Variants in CACNA1B observed in about 807,000 individuals in gnomAD.
The protein encoded by CACNA1B is calcium voltage-gated channel subunit alpha1 B.
A neutral mutation model predicts 247.2 loss-of-function variants in CACNA1B; 70 were observed. That is an observed-to-expected ratio of 0.28 (90% CI 0.23 to 0.35). The LOEUF (loss-of-function observed/expected upper bound fraction) is 0.35. Among genes scored for constraint, CACNA1B ranks in the 10% least tolerant of loss-of-function variants. The pLI is 1.00. For synonymous variants in CACNA1B, 1,231 were observed against 1,294.4 expected, an observed-to-expected ratio of 0.95 and a Z score of 1.05; for missense variants, 2,367 against 3,197.4, an observed-to-expected ratio of 0.74 and a Z score of 6.26.
In CACNA1B at chr9:137,971,699, C is replaced by T; in HGVS notation, c.1543+107C>T. On this transcript the variant is annotated intron_variant, in intron 11 of 46. Transcript: ENST00000371372. The surrounding 1 kb of genome is among the most constrained non-coding windows in gnomAD (Gnocchi z 4.4). ...TACCCCAGGTGGGACGGGACCCACC[C>T]CCATGTTGCTCAAAGTATCCCACAG... is the stretch of plus-strand genomic sequence containing the variant. The T allele has an allele frequency of 1.1e-6, 1 of 901,546 alleles. No homozygotes were observed. The highest frequency in any genetic ancestry group is 1.7e-6 in the Non-Finnish European group (1 of 582,746). 55.8% of individuals were successfully genotyped at this position (901,546 alleles called of 1,614,324 possible).
chr9:137,966,581 C>T (rs1044768956), intron 10 of CACNA1B, among the ~76,000 whole-genome samples: 3 of 150,402 alleles, frequency 2.0e-5, no homozygotes, highest in Non-Finnish European at 4.4e-5. Flanking sequence ...CTCTGTCACC[C>T]AGGCTGGAGT....
In CACNA1B at chr9:137,957,656, A is replaced by G. The variant is rs772034432; in HGVS notation, c.1302A>G (p.Gly434=). 6.2e-7 allele frequency: 1 copy of G among 1,602,518 alleles called. No individual in the cohort carries two copies. Among genetic ancestry groups the G allele is most frequent in the South Asian group, 1.1e-5 (1 of 88,196 alleles). ...ATGACCTGATCCACGCAGAGGAGGG[A>G]GAGGACCGGTTTGCAGATCTCTGTG... ...SRNDLIHAEE[G]EDRFADLCAV... The change falls in exon 10 of 47, where the codon GGA becomes GGG. Residue 434 remains glycine, a synonymous_variant. Coordinates refer to ENST00000371372, the MANE Select transcript of CACNA1B (RefSeq NM_000718.4). This position sits in a 1 kb window ranked among gnomAD's most constrained non-coding sequence, Gnocchi z 4.7.
Position 138,050,517 on chromosome 9 carries a change from A to G in CACNA1B, c.3710+1202A>G, listed in dbSNP as rs577787348. Among the ~76,000 whole-genome samples the G allele has an allele frequency of 6.6e-6, 1 of 152,014 alleles. No individual in the cohort carries two copies. The highest frequency in any genetic ancestry group is 1.5e-5 in the Non-Finnish European group (1 of 67,938). ...TCCACTCCAGCCCCCTGCAGTTCCC[A>G]CTATTTCCTCTTTCTGTGATAAAGG... On this transcript the variant is annotated intron_variant, in intron 24 of 46. Transcript: ENST00000371372. This position sits in a 1 kb window ranked among gnomAD's most constrained non-coding sequence, Gnocchi z 5.2.
Position 138,058,940 on chromosome 9 carries a change from C to G in CACNA1B, c.4474-139C>G, listed in dbSNP as rs539626711. The G allele has an allele frequency of 1.4e-6, 1 of 712,870 alleles. No individual in the cohort carries two copies. The highest frequency in any genetic ancestry group is 1.7e-5 in the South Asian group (1 of 59,208). The allele number at this position is 712,870 out of a possible 1,614,324, so 44.2% of individuals were successfully genotyped here. A position where few individuals can be genotyped will look rare whatever the true frequency, so the allele number is the denominator to read the frequency against. On this transcript the variant is annotated intron_variant, in intron 29 of 46. Coordinates refer to ENST00000371372, the MANE Select transcript of CACNA1B (RefSeq NM_000718.4). The surrounding 1 kb of genome is among the most constrained non-coding windows in gnomAD (Gnocchi z 4.7). ...ACAGTGGGGAGGTTCTGGGAGGACT[C>G]GGGGAGAGCAGGAAGGGGTGTCCCA...
At chr9:137,966,695 C>T (rs112872909) in intron 10 of CACNA1B, among the ~76,000 whole-genome samples, 5 of 151,852 alleles carry the variant, frequency 3.3e-5, no homozygotes, top group South Asian at 2.1e-4. Context: ...CGTGCCACCA[C>T]GCCCAGCTAA....
Position 138,073,934 on chromosome 9 carries a change from CCGTAG to C in CACNA1B, c.4792-65_4792-61del. ...CTGTGTGACCTCAAAGGCCCAGCCA[CCGTAG>C]CAGGAGGCCTGGGCGTGGTGGCTGG... On this transcript the variant is annotated intron_variant, in intron 33 of 46. Transcript: ENST00000371372. The surrounding 1 kb of genome is among the most constrained non-coding windows in gnomAD (Gnocchi z 6.4). 1.5e-6 allele frequency: 2 copies of C among 1,310,914 alleles called. No homozygotes were observed. The highest frequency in any genetic ancestry group is 2.2e-6 in the Non-Finnish European group (2 of 913,802). The allele number at this position is 1,310,914 out of a possible 1,614,324, so 81.2% of individuals were successfully genotyped here.
chr9:138,063,916 T>G (rs1959823019), intron 31 of CACNA1B, among the ~76,000 whole-genome samples: 1 of 152,210 alleles, frequency 6.6e-6, no homozygotes, highest in South Asian at 2.1e-4. Flanking sequence ...CTGGGGGGTG[T>G]CGGTGTTGAG....
chr9:138,065,025 T>C (rs1230281902), intron 31 of CACNA1B, among the ~76,000 whole-genome samples: 1 of 152,228 alleles, frequency 6.6e-6, no homozygotes, highest in Admixed American at 6.5e-5. Context: ...CCAAGGCAGT[T>C]CTGGCACCCT....
intron 37 of CACNA1B, among the ~76,000 whole-genome samples, chr9:138,097,191 A>G (rs1179579789): frequency 6.6e-6 from 1 of 152,106 alleles, no homozygotes; most frequent in Admixed American, 6.5e-5. Flanking sequence ...ATGAGCTACC[A>G]GGAAGGCTGT....
chr9:137,992,741 G>T (rs1322873002), intron 15 of CACNA1B, among the ~76,000 whole-genome samples: 1 of 151,202 alleles, frequency 6.6e-6, no homozygotes, highest in East Asian at 1.9e-4. Context: ...AGCTTGCAGT[G>T]AGCCGAGATC....
intron 21 of CACNA1B, among the ~76,000 whole-genome samples, chr9:138,046,508 G>A (rs1959187068): frequency 1.3e-5 from 2 of 152,224 alleles, no homozygotes; most frequent in Non-Finnish European, 2.9e-5. Flanking sequence ...CCTCTTCTGT[G>A]AAAGGGCTGG....
At position 138,075,263 on chromosome 9, in the gene CACNA1B, A is replaced by T. The variant is rs115829613; in HGVS notation, c.4858-556A>T. ...CTTTTTTTCCTGCTTTGGTCTGTGG[A>T]TGTACAAGAGCACATACGTTACTGA... On this transcript the variant is annotated intron_variant, in intron 34 of 46. Coordinates refer to ENST00000371372, the MANE Select transcript of CACNA1B (RefSeq NM_000718.4). Among the ~76,000 whole-genome samples the T allele has an allele frequency of 2.2e-3, 339 of 152,274 alleles. 1 individual carries two copies. Among genetic ancestry groups the T allele is most frequent in the African/African-American group, 7.9e-3 (327 of 41,544 alleles).
Position 137,899,312 on chromosome 9 carries a change from C to T in CACNA1B, c.531-13868C>T, listed in dbSNP as rs764559119. The stretch of plus-strand genomic sequence containing the variant: ...TTCACCATGTTGGCCAGGCTGGTCT[C>T]GAACTCCTGATCTCAGATGATCCAC... On this transcript the variant is annotated intron_variant, in intron 3 of 46. Coordinates refer to ENST00000371372, the MANE Select transcript of CACNA1B (RefSeq NM_000718.4). The surrounding 1 kb of genome is among the most constrained non-coding windows in gnomAD (Gnocchi z 5.0). Among the ~76,000 whole-genome samples the T allele has an allele frequency of 6.6e-6, 1 of 151,916 alleles. No homozygotes were observed. The highest frequency in any genetic ancestry group is 2.1e-4 in the South Asian group (1 of 4,804).
intron 37 of CACNA1B, among the ~76,000 whole-genome samples, chr9:138,097,168 A>G (rs936949479): frequency 6.6e-6 from 1 of 151,844 alleles, no homozygotes; most frequent in African/African-American, 2.4e-5. Context: ...TGCTTGGTGA[A>G]CTTTTTTGAC....
chr9:138,076,613 G>T (rs1278367063), intron 35 of CACNA1B, among the ~76,000 whole-genome samples: 1 of 152,188 alleles, frequency 6.6e-6, no homozygotes, highest in Non-Finnish European at 1.5e-5. Flanking sequence ...GCTGTTCCTG[G>T]GCGCGGAACA....
In CACNA1B at chr9:138,059,641, T is replaced by C. The variant is rs760443217; in HGVS notation, c.4585-13T>C. The stretch of plus-strand genomic sequence containing the variant: ...ATCAGCCGCTGGCACTAACTGCTCT[T>C]CTTTTTCTCTAGAACTATTTCAGAG... On this transcript the variant is annotated splice_polypyrimidine_tract_variant and intron_variant, in intron 30 of 46. Coordinates refer to ENST00000371372, the MANE Select transcript of CACNA1B (RefSeq NM_000718.4). The surrounding 1 kb of genome is among the most constrained non-coding windows in gnomAD (Gnocchi z 4.2). The C allele has an allele frequency of 6.4e-7, 1 of 1,557,432 alleles. No homozygotes were observed. Among genetic ancestry groups the C allele is most frequent in the Non-Finnish European group, 8.9e-7 (1 of 1,128,376 alleles).
At chr9:138,110,896 G>A (rs1422358258) in intron 39 of CACNA1B, among the ~76,000 whole-genome samples, 1 of 151,850 alleles carries the variant, frequency 6.6e-6, no homozygotes, top group African/African-American at 2.4e-5. Flanking sequence ...GAACAGAAGT[G>A]TCATCAAAGA....
chr9:138,088,594 T>C (rs1452317358), intron 36 of CACNA1B, among the ~76,000 whole-genome samples: 1 of 151,624 alleles, frequency 6.6e-6, no homozygotes, highest in Non-Finnish European at 1.5e-5. Context: ...CCCACCAAGA[T>C]TGAACCAAGG....
chr9:138,050,221 C>A lies in CACNA1B; in HGVS notation c.3710+906C>A. The A allele has an allele frequency of 1.6e-6, 1 of 619,670 alleles. No individual in the cohort carries two copies. Among genetic ancestry groups the A allele is most frequent in the Non-Finnish European group, 2.6e-6 (1 of 383,532 alleles). 38.4% of individuals were successfully genotyped at this position (619,670 alleles called of 1,614,324 possible). On this transcript the variant is annotated intron_variant, in intron 24 of 46. Coordinates refer to ENST00000371372, the MANE Select transcript of CACNA1B (RefSeq NM_000718.4). The surrounding 1 kb of genome is among the most constrained non-coding windows in gnomAD (Gnocchi z 5.2). The stretch of plus-strand genomic sequence containing the variant: ...ATCGGGGCTGCATGCTGCCGGGAGC[C>A]AAGTCCCCGGCCAGGGGTTCCTGCC...
Sources: gnomAD v4.1 joint callset for allele counts (sites outside exome capture counted in the v4.1 genomes callset) on GRCh38, gnomAD v4.1.1 for gene constraint, Gnocchi (gnomAD v3.1) non-coding constraint, MANE v1.5 for transcripts, NCBI Gene and HGNC (gene_info 2026-07-23, HGNC 2026-07-21) for gene names.